Variants in PSD3 observed in about 807,000 individuals in gnomAD.
PSD3 encodes the protein pleckstrin and Sec7 domain containing 3, also known as PH and SEC7 domain-containing protein 3.
PSD3 carries 49 observed loss-of-function variants against 105.5 expected under a neutral mutation model. The observed-to-expected ratio is 0.46, with a 90% CI of 0.37 to 0.59. The LOEUF (loss-of-function observed/expected upper bound fraction) is 0.59. PSD3 is among the 20% of genes least tolerant of loss of function. The pLI, the probability that PSD3 is intolerant of heterozygous loss-of-function variation, is 0.00. For missense variants in PSD3, 1,561 were observed against 1,263.8 expected (o/e 1.24, Z -3.57); for synonymous variants, 557 against 457.8 (o/e 1.22, Z -2.77).
chr8:19,011,570 C>A (rs1045447357), intron 1 of PSD3, among the ~76,000 whole-genome samples: 8 of 152,086 alleles, frequency 5.3e-5, no homozygotes. Flanking sequence ...CCAAGATTTA[C>A]TAGCCTGTAA....
At chr8:18,916,339 T>TACAC (rs1820596270) in intron 2 of PSD3, among the ~76,000 whole-genome samples, 2 of 45,492 alleles carry the variant, frequency 4.4e-5, no homozygotes, top group Admixed American at 2.6e-4. Context: ...TATATATATA[T>TACAC]ATATATATAT....
chr8:18,953,176 C>A (rs1289083577), intron 1 of PSD3, among the ~76,000 whole-genome samples: 1 of 152,072 alleles, frequency 6.6e-6, no homozygotes, highest in African/African-American at 2.4e-5. Flanking sequence ...TTTTTACCCA[C>A]AATAGTGGCA....
At chr8:18,557,757 C>T (rs954796070) in intron 14 of PSD3, among the ~76,000 whole-genome samples, 2 of 152,144 alleles carry the variant, frequency 1.3e-5, no homozygotes, top group African/African-American at 4.8e-5. Flanking sequence ...ATCTCCAAAC[C>T]TATTATTTGT....
intron 11 of PSD3, among the ~76,000 whole-genome samples, 191 bp downstream of exon 11, chr8:18,632,422 T>C (rs1388118848): frequency 6.6e-6 from 1 of 152,084 alleles, no homozygotes; most frequent in Non-Finnish European, 1.5e-5. Context: ...TAAAGTTCTA[T>C]AATTCTGCTT....
intron 9 of PSD3, among the ~76,000 whole-genome samples, chr8:18,666,656 G>T (rs1799477940): frequency 6.6e-6 from 1 of 150,438 alleles, no homozygotes; most frequent in African/African-American, 2.4e-5. Context: ...CATGTACAAG[G>T]TAAGCTAGCA....
chr8:18,727,606 T>G (rs949374580), intron 9 of PSD3, among the ~76,000 whole-genome samples: 1 of 145,370 alleles, frequency 6.9e-6, no homozygotes, highest in Non-Finnish European at 1.5e-5. Context: ...ACACCCCTCT[T>G]ATTCATCTTT....
At chr8:18,913,097 AC>A (rs2042982071) in intron 2 of PSD3, among the ~76,000 whole-genome samples, 3 of 148,364 alleles carry the variant, frequency 2.0e-5, no homozygotes, top group Non-Finnish European at 3.0e-5. Context: ...ACACACACAC[AC>A]ACACACACAC....
chr8:18,812,008 C>A (rs766599500), intron 4 of PSD3, among the ~76,000 whole-genome samples: 1 of 152,098 alleles, frequency 6.6e-6, no homozygotes, highest in African/African-American at 2.4e-5. Context: ...TATTAAATAA[C>A]GATTGCTTAC....
chr8:18,956,386 G>A (rs79087802), intron 1 of PSD3, among the ~76,000 whole-genome samples: 1 of 152,086 alleles, frequency 6.6e-6, no homozygotes, highest in Non-Finnish European at 1.5e-5. Context: ...AAGATCCCAG[G>A]TGATGGTGAT....
rs573932147 is a variant in PSD3 at position 18,575,474 on chromosome 8, G to A, written c.2482-189C>T. On this transcript the variant is annotated intron_variant, in intron 12 of 15. Coordinates refer to ENST00000327040, the MANE Select transcript of PSD3 (RefSeq NM_015310.4). ...CATTATGTTGTTTGAAAAATTTGCTGAGAATGAGAAAATACATCTACCCAA... is the reference window on the plus strand; with the variant it reads ...CATTATGTTGTTTGAAAAATTTGCTAAGAATGAGAAAATACATCTACCCAA... 3.3e-5 allele frequency among the ~76,000 whole-genome samples: 5 copies of A among 152,260 alleles called. No homozygotes were observed. In the South Asian group the frequency reaches 6.2e-4, roughly 19 times the overall value.
intron 1 of PSD3, among the ~76,000 whole-genome samples, chr8:18,998,442 C>CT (rs1826197127): frequency 1.3e-5 from 2 of 151,930 alleles, no homozygotes. Flanking sequence ...AATCCCAGCA[C>CT]TTTGGGAGGC....
At chr8:18,713,708 A>G (rs77155049) in intron 9 of PSD3, among the ~76,000 whole-genome samples, 7,023 of 152,302 alleles carry the variant, frequency 0.046, 459 homozygotes, top group African/African-American at 0.14. Flanking sequence ...ATACTGCCCA[A>G]AATAATTTAT....
chr8:18,826,713 T>C (rs1813214874), intron 4 of PSD3, among the ~76,000 whole-genome samples: 1 of 152,178 alleles, frequency 6.6e-6, no homozygotes, highest in Non-Finnish European at 1.5e-5. Context: ...GGCTTGAAGG[T>C]TTTGTTTTTG....
intron 9 of PSD3, among the ~76,000 whole-genome samples, chr8:18,753,493 G>C (rs2129439700): frequency 6.6e-6 from 1 of 152,228 alleles, no homozygotes; most frequent in South Asian, 2.1e-4. Flanking sequence ...GTGGCTTCTG[G>C]CGTTTCTGCA....
intron 8 of PSD3, among the ~76,000 whole-genome samples, chr8:18,780,710 A>G (rs1808527218): frequency 6.6e-6 from 1 of 151,896 alleles, no homozygotes; most frequent in Non-Finnish European, 1.5e-5. Context: ...CCTGCCACCA[A>G]GCCTGGCTAA....
At chr8:18,749,763 G>T (rs764436433) in intron 9 of PSD3, among the ~76,000 whole-genome samples, 2 of 152,158 alleles carry the variant, frequency 1.3e-5, no homozygotes, top group African/African-American at 4.8e-5. Flanking sequence ...ATCTCTGCTA[G>T]CTTTCAAAAT....
At position 18,530,542 on chromosome 8, in the gene PSD3, C is replaced by T. The variant is rs1039594672; in HGVS notation, c.*5201G>A. The T allele has an allele frequency of 1.3e-5, 2 of 152,566 alleles. No individual in the cohort carries two copies. Among genetic ancestry groups the T allele is most frequent in the African/African-American group, 2.4e-5 (1 of 41,428 alleles). 9.5% of individuals were successfully genotyped at this position (152,566 alleles called of 1,614,324 possible). ...TGATATGGTGGGTACTTAATTCTTC[C>T]GAAAGCTATATTTTTTATGGACTAA... On this transcript the variant is annotated 3_prime_UTR_variant, in exon 16 of 16. Coordinates refer to ENST00000327040, the MANE Select transcript of PSD3 (RefSeq NM_015310.4).
intron 11 of PSD3, among the ~76,000 whole-genome samples, chr8:18,604,847 C>T (rs1804699972): frequency 6.6e-6 from 1 of 152,196 alleles, no homozygotes. Context: ...AGCATGTTGG[C>T]CACAAACTTT....
chr8:18,641,417 G>T (rs1175682312), intron 10 of PSD3, among the ~76,000 whole-genome samples: 1 of 152,132 alleles, frequency 6.6e-6, no homozygotes, highest in Non-Finnish European at 1.5e-5. Context: ...TCCAGTAGGG[G>T]AAACAGATAC....
Sources: gnomAD v4.1 joint callset for allele counts (sites outside exome capture counted in the v4.1 genomes callset) on GRCh38, gnomAD v4.1.1 for gene constraint, MANE v1.5 for transcripts, NCBI Gene and HGNC (gene_info 2026-07-23, HGNC 2026-07-21) for gene names.